Variants in CPPED1 observed in about 807,000 individuals in gnomAD.
CPPED1 encodes the protein calcineurin like phosphoesterase domain containing 1.
A neutral mutation model predicts 28.0 loss-of-function variants in CPPED1; 28 were observed. That is an observed-to-expected ratio of 1.00 (90% CI 0.74 to 1.37). The LOEUF (loss-of-function observed/expected upper bound fraction) is 1.37, where lower values mean the gene tolerates loss of function less well. Ranked by LOEUF, CPPED1 falls within the 40% of genes most tolerant of loss-of-function variation. The pLI, the probability that CPPED1 is intolerant of heterozygous loss-of-function variation, is 0.00. For synonymous variants in CPPED1, 198 were observed against 180.2 expected (o/e 1.10, Z -0.79); for missense variants, 504 against 416.5 (o/e 1.21, Z -1.83).
intron 1 of CPPED1, among the ~76,000 whole-genome samples, chr16:12,790,393 T>C (rs182368795): frequency 3.5e-4 from 53 of 152,318 alleles, no homozygotes; most frequent in Non-Finnish European, 5.1e-4. Flanking sequence ...TTTTTCACTA[T>C]TACCAGTTAA....
intron 2 of CPPED1, among the ~76,000 whole-genome samples, chr16:12,747,846 T>C (rs1016579698): frequency 6.6e-6 from 1 of 152,216 alleles, no homozygotes; most frequent in African/African-American, 2.4e-5. Context: ...ATGTTAAATA[T>C]AACATATAAC....
At chr16:12,719,133 T>A (rs762335179) in intron 2 of CPPED1, among the ~76,000 whole-genome samples, 1 of 151,966 alleles carries the variant, frequency 6.6e-6, no homozygotes, top group African/African-American at 2.4e-5. Context: ...TTCACTACCA[T>A]AAGAACAGTA....
intron 3 of CPPED1, among the ~76,000 whole-genome samples, chr16:12,678,934 A>C (rs1286389774): frequency 6.6e-6 from 1 of 152,192 alleles, no homozygotes; most frequent in Non-Finnish European, 1.5e-5. Flanking sequence ...ATTGGTGAAA[A>C]TACTCTTTTT....
At chr16:12,763,956 C>A (rs900252471) in intron 2 of CPPED1, among the ~76,000 whole-genome samples, 2 of 151,984 alleles carry the variant, frequency 1.3e-5, no homozygotes, top group Admixed American at 1.3e-4. Context: ...TGAAACAAAT[C>A]TGCATATCCT....
rs149592151 is a variant in CPPED1, at chr16:12,735,586, G to A, written c.290-30537C>T. 5.6e-3 allele frequency among the ~76,000 whole-genome samples: 860 copies of A among 152,302 alleles called. 5 individuals carry two copies. The highest frequency in any genetic ancestry group is 0.031 in the Middle Eastern group (9 of 294). On this transcript the variant is annotated intron_variant, in intron 2 of 3. Transcript: ENST00000381774. ...CCCAAAGTGCTGGGATTACAGGCAC[G>A]AGCCACCGTGCCTGGCACCCTAAAG...
At position 12,682,216 on chromosome 16, in the gene CPPED1, G is replaced by A. The variant is rs1474537259; in HGVS notation, c.716-17101C>T. On this transcript the variant is annotated intron_variant, in intron 3 of 3. Coordinates refer to ENST00000381774, the MANE Select transcript of CPPED1 (RefSeq NM_018340.3). This position sits in a 1 kb window ranked among gnomAD's most constrained non-coding sequence, Gnocchi z 6.1. ...TGCCCAGCTAATTTTTGTGTCTTTA[G>A]TAGAGACAGGATTTTACGATGTTGG... is the stretch of plus-strand genomic sequence containing the variant. 6.6e-6 allele frequency among the ~76,000 whole-genome samples: 1 copy of A among 151,982 alleles called. No homozygotes were observed. The highest frequency in any genetic ancestry group is 1.5e-5 in the Non-Finnish European group (1 of 68,002).
rs1417625044 is a variant in CPPED1, at chr16:12,709,540, T to C, written c.290-4491A>G. On this transcript the variant is annotated intron_variant, in intron 2 of 3. Transcript: ENST00000381774. The surrounding 1 kb of genome is among the most constrained non-coding windows in gnomAD (Gnocchi z 4.4). ...AGGTAAAAAGCATGATAACGATAATTACAAAATTCTTATTTGTATCAGTGG... is the reference window on the plus strand; with the variant it reads ...AGGTAAAAAGCATGATAACGATAATCACAAAATTCTTATTTGTATCAGTGG... Among the ~76,000 whole-genome samples the C allele has an allele frequency of 6.6e-6, 1 of 152,208 alleles. No homozygotes were observed. The highest frequency in any genetic ancestry group is 2.4e-5 in the African/African-American group (1 of 41,468).
chr16:12,666,542 T>G (rs1209776052), intron 3 of CPPED1, among the ~76,000 whole-genome samples: 1 of 152,184 alleles, frequency 6.6e-6, no homozygotes, highest in Non-Finnish European at 1.5e-5. Flanking sequence ...AAAGACCTGA[T>G]TTGTCACATT....
intron 2 of CPPED1, among the ~76,000 whole-genome samples, chr16:12,744,632 T>A (rs963175217): frequency 6.6e-6 from 1 of 151,942 alleles, no homozygotes; most frequent in African/African-American, 2.4e-5. Context: ...GGTCTGACAG[T>A]CTCCCTGAGA....
chr16:12,685,324 C>T (rs890459059), intron 3 of CPPED1, among the ~76,000 whole-genome samples: 1 of 152,132 alleles, frequency 6.6e-6, no homozygotes, highest in Non-Finnish European at 1.5e-5. Flanking sequence ...GTGGTGGCCA[C>T]CTGTAATCCC....
chr16:12,722,468 T>A (rs967920846), intron 2 of CPPED1, among the ~76,000 whole-genome samples: 5 of 152,218 alleles, frequency 3.3e-5, no homozygotes, highest in Non-Finnish European at 7.3e-5. Flanking sequence ...CTGGGCGCGG[T>A]GGCTCACGCC....
chr16:12,687,268 C>T (rs1198708907), intron 3 of CPPED1, among the ~76,000 whole-genome samples: 2 of 151,936 alleles, frequency 1.3e-5, no homozygotes, highest in South Asian at 2.1e-4. Context: ...TTCGTAATGC[C>T]ACCACCCAGA....
chr16:12,730,643 C>T (rs910797997), intron 2 of CPPED1, among the ~76,000 whole-genome samples: 9 of 152,182 alleles, frequency 5.9e-5, no homozygotes, highest in Non-Finnish European at 4.4e-5. Flanking sequence ...CATGTAATAA[C>T]ACAGATGAAT....
At chr16:12,669,114 T>G (rs1459148441) in intron 3 of CPPED1, among the ~76,000 whole-genome samples, 1 of 152,134 alleles carries the variant, frequency 6.6e-6, no homozygotes, top group Non-Finnish European at 1.5e-5. Context: ...AAACAAAATG[T>G]GGTCTACCCA....
At chr16:12,767,054 C>A (rs867108373) in intron 2 of CPPED1, among the ~76,000 whole-genome samples, 4 of 151,816 alleles carry the variant, frequency 2.6e-5, no homozygotes, top group African/African-American at 9.7e-5. Flanking sequence ...TCCAGGGAAC[C>A]AATAGGAGAT....
At position 12,778,823 on chromosome 16, in the gene CPPED1, C is replaced by G. The variant is rs911935122; in HGVS notation, c.289+2362G>C. Among the ~76,000 whole-genome samples the G allele has an allele frequency of 7.9e-4, 120 of 152,300 alleles. No homozygotes were observed. The Middle Eastern group carries it at 0.014, about 17-fold the overall frequency. On this transcript the variant is annotated intron_variant, in intron 2 of 3. Transcript: ENST00000381774. ...ATATTCAAAACAGTTACATTCCTTTCACTGGTTCAATTAAAACCCCAGAAA... is the reference window on the plus strand; with the variant it reads ...ATATTCAAAACAGTTACATTCCTTTGACTGGTTCAATTAAAACCCCAGAAA...
At chr16:12,707,416 T>C (rs2080057218) in intron 2 of CPPED1, among the ~76,000 whole-genome samples, 1 of 152,208 alleles carries the variant, frequency 6.6e-6, no homozygotes, top group South Asian at 2.1e-4. Context: ...CTTGGTGGTC[T>C]GGCTCAAGGT....
chr16:12,781,630 G>A (rs2080532452), intron 1 of CPPED1, among the ~76,000 whole-genome samples: 1 of 152,112 alleles, frequency 6.6e-6, no homozygotes, highest in Non-Finnish European at 1.5e-5. Flanking sequence ...CTGTCCACGT[G>A]GGCTTCTGCA....
intron 3 of CPPED1, among the ~76,000 whole-genome samples, chr16:12,701,992 G>C (rs1192970028): frequency 6.6e-6 from 1 of 152,138 alleles, no homozygotes; most frequent in African/African-American, 2.4e-5. Flanking sequence ...ATGTAGCTCT[G>C]CCTACGGGAA....
Sources: allele counts gnomAD v4.1 joint callset (sites outside exome capture counted in the v4.1 genomes callset), GRCh38; gene constraint gnomAD v4.1.1; non-coding constraint Gnocchi (gnomAD v3.1); transcripts MANE v1.5; gene names NCBI Gene and HGNC (gene_info 2026-07-23, HGNC 2026-07-21).